WDR93: variants seen among roughly 807,000 people sequenced by gnomAD.
WDR93 encodes the protein WD repeat domain 93.
A neutral mutation model predicts 82.9 loss-of-function variants in WDR93; 73 were observed. That is an observed-to-expected ratio of 0.88 (90% CI 0.73 to 1.07). The LOEUF (loss-of-function observed/expected upper bound fraction) is 1.07, where lower values mean the gene tolerates loss of function less well. Ranked by LOEUF, WDR93 falls within the 50% of genes least tolerant of loss-of-function variation. The pLI is 0.00. For missense variants in WDR93, 738 were observed against 826.0 expected, an observed-to-expected ratio of 0.89 and a Z score of 1.31; for synonymous variants, 283 against 300.1, an observed-to-expected ratio of 0.94 and a Z score of 0.59.
At chr15:89,697,182 C>T (rs918700570) in intron 1 of WDR93, among the ~76,000 whole-genome samples, 5 of 152,146 alleles carry the variant, frequency 3.3e-5, no homozygotes, top group Admixed American at 2.0e-4. Flanking sequence ...TGGTGTCAGA[C>T]TCCTGGCCTC....
At chr15:89,700,784 T>A (rs1330028593) in intron 1 of WDR93, among the ~76,000 whole-genome samples, 1 of 151,492 alleles carries the variant, frequency 6.6e-6, no homozygotes, top group Non-Finnish European at 1.5e-5. Flanking sequence ...CTCAAACTCC[T>A]GGCCTCAAGC....
intron 5 of WDR93, among the ~76,000 whole-genome samples, chr15:89,712,970 A>C (rs1966062792): frequency 6.6e-6 from 1 of 152,086 alleles, no homozygotes; most frequent in South Asian, 2.1e-4. Flanking sequence ...CTAAAAATAC[A>C]ACAATTAGCC....
Position 89,701,837 on chromosome 15 carries a change from A to G in WDR93, c.91A>G (p.Lys31Glu). The G allele has an allele frequency of 6.2e-7, 1 of 1,614,146 alleles. No individual in the cohort carries two copies. Among genetic ancestry groups the G allele is most frequent in the Non-Finnish European group, 8.5e-7 (1 of 1,180,026 alleles). Residue 31 changes from lysine to glutamate, a missense_variant, in exon 2 of 17, where the codon AAG becomes GAG. Physicochemically the swap from Lys to Glu is moderately conservative, Grantham distance 56. Transcript: ENST00000268130. ...ATTGGAGGTGCCACCCCCAACAGAG[A>G]AGGACTGGCCTAAAGACGATGAACA... ...GPLEVPPPTE[K>E]DWPKDDEQDH...
At chr15:89,728,952 C>A (rs1966839282) in intron 9 of WDR93, 71 bp from the exon 10 acceptor site, 4 of 1,390,452 alleles carry the variant, frequency 2.9e-6, no homozygotes, top group South Asian at 1.2e-5. Context: ...GTTTTAGGAC[C>A]AAGACTCTGC....
chr15:89,711,761 T>C (rs1965990129), intron 4 of WDR93, among the ~76,000 whole-genome samples: 1 of 152,194 alleles, frequency 6.6e-6, no homozygotes, highest in Admixed American at 6.5e-5. Context: ...GGAGATCCAA[T>C]AGTATGCCAG....
chr15:89,695,577 T>A (rs746641753), intron 1 of WDR93, among the ~76,000 whole-genome samples: 1 of 152,226 alleles, frequency 6.6e-6, no homozygotes, highest in Non-Finnish European at 1.5e-5. Flanking sequence ...GTAAATGGTA[T>A]TTTTATTTCA....
intron 1 of WDR93, among the ~76,000 whole-genome samples, chr15:89,694,874 C>T (rs1965087672): frequency 6.6e-6 from 1 of 152,102 alleles, no homozygotes; most frequent in Non-Finnish European, 1.5e-5. Flanking sequence ...AGGTATGGAT[C>T]GGCATTCATT....
Position 89,701,772 on chromosome 15 carries a change from C to T in WDR93, c.26C>T (p.Thr9Ile). 1 of 1,612,684 alleles carries T rather than the reference C, an allele frequency of 6.2e-7. No homozygotes were observed. Among genetic ancestry groups the T allele is most frequent in the Non-Finnish European group, 8.5e-7 (1 of 1,178,884 alleles). Reference sequence around the variant, plus strand: ...ATGTCATTCCCAAGAGGAAGTCAGACCCAGAAAATAAAGCACCCCATTGGT... The same window carrying T: ...ATGTCATTCCCAAGAGGAAGTCAGATCCAGAAAATAAAGCACCCCATTGGT... MSFPRGSQ[T>I]QKIKHPIGTR... is the part of the protein sequence containing the mutation. The change falls in exon 2 of 17, where the codon ACC becomes ATC. Residue 9 changes from threonine (T) to isoleucine (I), a missense_variant. Transcript: ENST00000268130.
intron 12 of WDR93, 126 bp from the exon 13 acceptor site, chr15:89,732,880 G>GC (rs1255537456): frequency 5.0e-6 from 4 of 802,094 alleles, no homozygotes; most frequent in African/African-American, 1.7e-5. Flanking sequence ...CTCACAGGGT[G>GC]CTCATTGCTT....
At chr15:89,709,492 C>A (rs1417828942) in intron 4 of WDR93, among the ~76,000 whole-genome samples, 1 of 151,314 alleles carries the variant, frequency 6.6e-6, no homozygotes, top group Non-Finnish European at 1.5e-5. Context: ...GGAGAAAATA[C>A]CTGTTTTATA....
chr15:89,737,511 C>G lies in WDR93; in HGVS notation c.1609-62C>G, dbSNP rs77903991. On this transcript the variant is annotated intron_variant, in intron 14 of 16. Transcript: ENST00000268130. ...ATTCCTTACTGGGGTGACCTCTACA[C>G]GACCTTCCTGTGAGGGACAGAGTCC... 6.2e-6 allele frequency: 10 copies of G among 1,602,298 alleles called. No individual in the cohort carries two copies. In the Middle Eastern group the frequency reaches 1.0e-3, roughly 166 times the overall value.
rs1163503214 is a variant in WDR93 at position 89,703,103 on chromosome 15, T to G, written c.457T>G (p.Leu153Val). ...TGTCACTTCCATCTGGGCCACAGATTTAGGGAATGAAATACTCATTGCTCC... is the reference window on the plus strand; with the variant it reads ...TGTCACTTCCATCTGGGCCACAGATGTAGGGAATGAAATACTCATTGCTCC... ...VDVTSIWATD[L>V]GNEILIAPVD... Residue 153 changes from leucine to valine, a missense_variant, in exon 3 of 17, where the codon TTA becomes GTA. Coordinates refer to ENST00000268130, the MANE Select transcript of WDR93 (RefSeq NM_020212.2). The G allele has an allele frequency of 6.2e-7, 1 of 1,614,154 alleles. No individual in the cohort carries two copies. The highest frequency in any genetic ancestry group is 1.6e-4 in the Middle Eastern group (1 of 6,062).
intron 1 of WDR93, among the ~76,000 whole-genome samples, chr15:89,697,286 T>C (rs1432297162): frequency 6.6e-6 from 1 of 152,186 alleles, no homozygotes; most frequent in Non-Finnish European, 1.5e-5. Flanking sequence ...GCCATTCTAA[T>C]ATGTATGTAA....
Position 89,743,485 on chromosome 15 carries a change from A to G in WDR93, c.*94A>G. ...AGGCCAAGAGAAATGTAACAGAGCC[A>G]CAGCTCCACAGGCCTGCACTCGGAG... is the stretch of plus-strand genomic sequence containing the variant. On this transcript the variant is annotated 3_prime_UTR_variant, in exon 17 of 17. Coordinates refer to ENST00000268130, the MANE Select transcript of WDR93 (RefSeq NM_020212.2). 1 of 1,183,080 alleles carries G rather than the reference A, an allele frequency of 8.5e-7. No homozygotes were observed. The highest frequency in any genetic ancestry group is 1.2e-6 in the Non-Finnish European group (1 of 813,026). The allele number at this position is 1,183,080 out of a possible 1,614,324, so 73.3% of individuals were successfully genotyped here. A position where few individuals can be genotyped will look rare whatever the true frequency, so the allele number is the denominator to read the frequency against.
intron 13 of WDR93, among the ~76,000 whole-genome samples, 166 bp from the exon 14 acceptor site, chr15:89,735,324 C>G (rs942823369): frequency 6.6e-6 from 1 of 152,186 alleles, no homozygotes; most frequent in Non-Finnish European, 1.5e-5. Flanking sequence ...CTTAAGCATC[C>G]TCCTAATAGA....
At chr15:89,713,830 T>C (rs1966117396) in intron 5 of WDR93, among the ~76,000 whole-genome samples, 2 of 152,168 alleles carry the variant, frequency 1.3e-5, no homozygotes, top group Admixed American at 6.5e-5. Flanking sequence ...ACCATCTGTA[T>C]TGGTTTCCTG....
chr15:89,732,258 C>T (rs983117217), intron 12 of WDR93, among the ~76,000 whole-genome samples: 13 of 152,168 alleles, frequency 8.5e-5, no homozygotes, highest in Admixed American at 8.5e-4. Flanking sequence ...CTGGGCAGCC[C>T]TCCTGGCAGG....
Position 89,703,050 on chromosome 15 carries a change from T to C in WDR93, c.404T>C (p.Ile135Thr), listed in dbSNP as rs763585087. ...SIYNLYSAKQIYAWEKLKVDV... is the reference protein window; with the variant it reads ...SIYNLYSAKQTYAWEKLKVDV... ...TATAATCTGTACAGTGCTAAACAAATATATGCGTGGGAGAAGCTTAAGGTT... is the reference window on the plus strand; with the variant it reads ...TATAATCTGTACAGTGCTAAACAAACATATGCGTGGGAGAAGCTTAAGGTT... The change falls in exon 3 of 17, where the codon ATA becomes ACA. Residue 135 changes from isoleucine to threonine, a missense_variant. Physicochemically the swap from Ile to Thr is moderately conservative, Grantham distance 89. Transcript: ENST00000268130. 1 of 1,614,186 alleles carries C rather than the reference T, an allele frequency of 6.2e-7. No homozygotes were observed. Among genetic ancestry groups the C allele is most frequent in the South Asian group, 1.1e-5 (1 of 91,082 alleles).
At chr15:89,736,823 G>A (rs1487852979) in intron 14 of WDR93, among the ~76,000 whole-genome samples, 2 of 147,532 alleles carry the variant, frequency 1.4e-5, no homozygotes, top group South Asian at 2.1e-4. Flanking sequence ...ACGGAGTCTC[G>A]CTCTGCCGCC....
Sources: allele counts gnomAD v4.1 joint callset (sites outside exome capture counted in the v4.1 genomes callset), GRCh38; gene constraint gnomAD v4.1.1; transcripts MANE v1.5; gene names NCBI Gene and HGNC (gene_info 2026-07-23, HGNC 2026-07-21).